The following MTCL1 variants were observed in gnomAD, a reference collection of about 807,000 sequenced individuals.
MTCL1 encodes microtubule crosslinking factor 1.
In MTCL1, 79 loss-of-function variants were observed where a neutral mutation model predicts 141.4. The ratio of observed to expected loss-of-function variants is 0.56; its 90% CI spans 0.47 to 0.67. MTCL1 has a LOEUF of 0.67. Among genes scored for constraint, MTCL1 ranks in the 30% least tolerant of loss-of-function variants. MTCL1 has a pLI of 0.00. For synonymous variants in MTCL1, 914 were observed against 875.8 expected (o/e 1.04, Z -0.77); for missense variants, 2,177 against 2,113.9 (o/e 1.03, Z -0.59).
intron 4 of MTCL1, among the ~76,000 whole-genome samples, chr18:8,768,789 CT>C (rs773958752): frequency 6.1e-4 from 72 of 117,868 alleles, no homozygotes; most frequent in South Asian, 2.5e-3. Context: ...CTTTTCTTCT[CT>C]TTTTTTTTTT....
upstream of MTCL1, among the ~76,000 whole-genome samples, chr18:8,716,166 G>A (rs2096127141): frequency 6.6e-6 from 1 of 152,208 alleles, no homozygotes; most frequent in Non-Finnish European, 1.5e-5. Context: ...TTCATCATTG[G>A]TATAGAAATT....
chr18:8,771,814 G>T lies in MTCL1; in HGVS notation c.358-6019G>T, dbSNP rs537466097. 2.0e-4 allele frequency among the ~76,000 whole-genome samples: 31 copies of T among 152,248 alleles called. 1 individual carries two copies. In the South Asian group the frequency reaches 6.0e-3, roughly 30 times the overall value. On this transcript the variant is annotated intron_variant, in intron 4 of 16. Coordinates refer to ENST00000359865, the Ensembl canonical transcript of MTCL1. ...GTAGGAATATGCAATTGATTTGCTG[G>T]CAATTGATCAGGCTAAAAGGAGGGA...
intron 4 of MTCL1, among the ~76,000 whole-genome samples, chr18:8,732,086 A>G (rs1567953776): frequency 6.6e-6 from 1 of 152,068 alleles, no homozygotes; most frequent in South Asian, 2.1e-4. Context: ...AATATAATTT[A>G]GGTAACTTTA....
intron 16 of MTCL1, chr18:8,831,235 G>T: frequency 9.6e-7 from 1 of 1,041,790 alleles, no homozygotes; most frequent in Non-Finnish European, 1.2e-6. Context: ...CATACAAAAG[G>T]GCCAAATGAA....
chr18:8,708,700 C>T (rs1431433511), intron 1 of MTCL1, among the ~76,000 whole-genome samples: 3 of 152,224 alleles, frequency 2.0e-5, no homozygotes, highest in Non-Finnish European at 2.9e-5. Context: ...TAGGGGCCCT[C>T]TGTTTTCTTT....
chr18:8,822,042 A>G lies in MTCL1; in HGVS notation c.3188+544A>G, dbSNP rs1211134038. Among the ~76,000 whole-genome samples the G allele has an allele frequency of 6.6e-6, 1 of 152,160 alleles. No individual in the cohort carries two copies. Among genetic ancestry groups the G allele is most frequent in the Non-Finnish European group, 1.5e-5 (1 of 68,022 alleles). The stretch of plus-strand genomic sequence containing the variant: ...CTCCAAATGAATACATACCGTTTCT[A>G]CTACATGAAATTTCTTCTCAGGCAA... On this transcript the variant is annotated intron_variant, in intron 14 of 16. Transcript: ENST00000359865. The surrounding 1 kb of genome is among the most constrained non-coding windows in gnomAD (Gnocchi z 4.6).
chr18:8,788,793 G>A (rs759154490), intron 7 of MTCL1, among the ~76,000 whole-genome samples: 14 of 152,036 alleles, frequency 9.2e-5, no homozygotes, highest in African/African-American at 2.2e-4. Context: ...CAGAACCCAC[G>A]GACACCCACT....
chr18:8,782,924 A>G (rs994929760), intron 5 of MTCL1, among the ~76,000 whole-genome samples: 6 of 152,190 alleles, frequency 3.9e-5, no homozygotes, highest in Admixed American at 6.5e-5. Context: ...GATGGGGAGA[A>G]GCGAATTGCC....
chr18:8,829,750 C>T (rs770888333), intron 16 of MTCL1: 12 of 985,222 alleles, frequency 1.2e-5, no homozygotes, highest in Non-Finnish European at 1.4e-5. Flanking sequence ...GGGTCAATTC[C>T]CAGAAACGTG....
chr18:8,773,889 C>T (rs1319770233), intron 4 of MTCL1, among the ~76,000 whole-genome samples: 1 of 152,100 alleles, frequency 6.6e-6, no homozygotes, highest in African/African-American at 2.4e-5. Context: ...TATCTTATAC[C>T]AGCACCGAAC....
chr18:8,771,285 G>A (rs910814024), intron 4 of MTCL1, among the ~76,000 whole-genome samples: 88 of 152,140 alleles, frequency 5.8e-4, no homozygotes, highest in Admixed American at 6.6e-5. Flanking sequence ...TCCCATGACC[G>A]ATTTAATATG....
exon 12 of MTCL1, chr18:8,812,996 G>T (rs2076536371): frequency 6.2e-7 from 1 of 1,612,458 alleles, no homozygotes; most frequent in Admixed American, 1.7e-5. Context: ...AGAAGACTGA[G>T]AACAAGTTGG....
rs543428080 is a variant in MTCL1, at chr18:8,830,443, T to A, written c.*19-1164T>A. 1 of 985,604 alleles carries A rather than the reference T, an allele frequency of 1.0e-6. No individual in the cohort carries two copies. Among genetic ancestry groups the A allele is most frequent in the African/African-American group, 1.7e-5 (1 of 57,370 alleles). 61.1% of individuals were successfully genotyped at this position (985,604 alleles called of 1,614,324 possible). On this transcript the variant is annotated intron_variant, in intron 16 of 16. Transcript: ENST00000359865. The surrounding 1 kb of genome is among the most constrained non-coding windows in gnomAD (Gnocchi z 6.4). The stretch of plus-strand genomic sequence containing the variant: ...TTCTGGAAGCCTGTGGCTCCCACGC[T>A]GTCCTCGGGCCATGCTGTCTCTGCC...
Position 8,785,878 on chromosome 18 carries a change from T to C in MTCL1, c.1732-58T>C, listed in dbSNP as rs980422587. Reference sequence around the variant, plus strand: ...CCACCCTTGTCCTTTGTTTGTTTGTTTTTTTGTTTAAAATTTTAAAGAACA... The same window carrying C: ...CCACCCTTGTCCTTTGTTTGTTTGTCTTTTTGTTTAAAATTTTAAAGAACA... On this transcript the variant is annotated intron_variant, in intron 6 of 16. Coordinates refer to ENST00000359865, the Ensembl canonical transcript of MTCL1. The C allele has an allele frequency of 6.0e-5, 92 of 1,521,164 alleles. No homozygotes were observed. The East Asian group carries it at 6.2e-4, about 10-fold the overall frequency. The allele number at this position is 1,521,164 out of a possible 1,614,324, so 94.2% of individuals were successfully genotyped here.
Position 8,819,027 on chromosome 18 carries a change from T to C in MTCL1, c.2924T>C (p.Val975Ala), listed in dbSNP as rs377316538. The C allele has an allele frequency of 2.5e-6, 4 of 1,614,136 alleles. No individual in the cohort carries two copies. The African/African-American group carries it at 5.3e-5, about 22-fold the overall frequency. The change falls in exon 13 of 17, where the codon GTT (valine) becomes GCT (alanine). Residue 975 changes from valine (V) to alanine (A), a missense_variant. Physicochemically the swap from Val to Ala is moderately conservative, Grantham distance 64. Coordinates refer to ENST00000359865, the Ensembl canonical transcript of MTCL1. ...CTCTGTGATCAAAAAGACGGCAACG[T>C]TCGCCCCTTTCCCCACCAGGGAAGC...
At chr18:8,752,526 T>C (rs28379812) in intron 4 of MTCL1, among the ~76,000 whole-genome samples, 1,910 of 152,304 alleles carry the variant, frequency 0.013, 37 homozygotes, top group African/African-American at 0.044. Flanking sequence ...GCATGTGGCA[T>C]AGCAAGTTAA....
At chr18:8,764,355 T>A (rs185609596) in intron 4 of MTCL1, among the ~76,000 whole-genome samples, 1 of 152,206 alleles carries the variant, frequency 6.6e-6, no homozygotes, top group African/African-American at 2.4e-5. Context: ...TTCGTTCTTG[T>A]TGCCCAGGCT....
intron 6 of MTCL1, among the ~76,000 whole-genome samples, chr18:8,785,470 T>C (rs182243424): frequency 2.8e-4 from 43 of 152,190 alleles, no homozygotes; most frequent in Middle Eastern, 3.4e-3. Context: ...GCGGAGGGTC[T>C]CCGAGGACTG....
exon 15 of MTCL1, chr18:8,825,194 A>G (rs581894): frequency 0.6 from 954,532 of 1,579,692 alleles, 291,171 homozygotes; most frequent in African/African-American, 0.74. Context: ...ACACCAAGGG[A>G]GGCCCTCCAG....
Sources: allele counts gnomAD v4.1 joint callset (sites outside exome capture counted in the v4.1 genomes callset), GRCh38; gene constraint gnomAD v4.1.1; non-coding constraint Gnocchi (gnomAD v3.1); transcripts MANE v1.5; gene names NCBI Gene and HGNC (gene_info 2026-07-23, HGNC 2026-07-21).